The following CD8B2 variants were observed in gnomAD, a reference collection of about 807,000 sequenced individuals.
The protein encoded by CD8B2 is T-cell surface glycoprotein CD8 beta-2 chain.
A neutral mutation model predicts 23.7 loss-of-function variants in CD8B2; 11 were observed. The ratio of observed to expected loss-of-function variants is 0.46; its 90% CI spans 0.29 to 0.77. The LOEUF is 0.77. Among genes scored for constraint, CD8B2 ranks in the 30% least tolerant of loss-of-function variants. The pLI, the probability that CD8B2 is intolerant of heterozygous loss-of-function variation, is 0.09. For synonymous variants in CD8B2, 90 were observed against 109.3 expected, an observed-to-expected ratio of 0.82 and a Z score of 1.10; for missense variants, 197 against 270.5, an observed-to-expected ratio of 0.73 and a Z score of 1.91.
chr2:106,518,968 CATCT>C (rs1394858801), intron 5 of CD8B2, among the ~76,000 whole-genome samples: 2 of 151,894 alleles, frequency 1.3e-5, no homozygotes, highest in Admixed American at 6.6e-5. Context: ...TTCCTCCATC[CATCT>C]ATCCCTCCAT....
chr2:106,518,740 A>G (rs146282984), intron 5 of CD8B2, among the ~76,000 whole-genome samples: 21 of 150,104 alleles, frequency 1.4e-4, no homozygotes, highest in African/African-American at 4.2e-4. Flanking sequence ...TTTTCTCTCT[A>G]CTTATCCCTC....
intron 5 of CD8B2, among the ~76,000 whole-genome samples, chr2:106,526,425 C>T (rs1047327398): frequency 6.6e-6 from 1 of 152,194 alleles, no homozygotes; most frequent in Non-Finnish European, 1.5e-5. Flanking sequence ...TTACCCCTGA[C>T]ATGCCTGCCA....
Position 106,502,434 on chromosome 2 carries a change from A to C in CD8B2, c.494-40A>C, listed in dbSNP as rs1040490707. ...TTTTCTGCGTGTCTCACGCAGAAAA[A>C]TGTTCTGTGTTGAACACATGTCACA... On this transcript the variant is annotated intron_variant, in intron 3 of 5. Transcript: ENST00000643224. 32 of 1,245,958 alleles carry C rather than the reference A, an allele frequency of 2.6e-5. No homozygotes were observed. The Admixed American group carries it at 5.8e-4, about 22-fold the overall frequency. The allele number at this position is 1,245,958 out of a possible 1,614,324, so 77.2% of individuals were successfully genotyped here. A position where few individuals can be genotyped will look rare whatever the true frequency, so the allele number is the denominator to read the frequency against.
chr2:106,534,975 C>T (rs1246786028), intron 5 of CD8B2, among the ~76,000 whole-genome samples: 2 of 152,074 alleles, frequency 1.3e-5, no homozygotes, highest in African/African-American at 4.8e-5. Flanking sequence ...GCATGTGCCA[C>T]CTTGCCCGGC....
chr2:106,493,820 T>C (rs567482590), intron 2 of CD8B2, among the ~76,000 whole-genome samples: 3 of 152,268 alleles, frequency 2.0e-5, no homozygotes, highest in Admixed American at 6.5e-5. Context: ...CTGTCTAACT[T>C]TGGGCACATT....
At chr2:106,522,449 A>G (rs1241920269) in intron 5 of CD8B2, among the ~76,000 whole-genome samples, 1 of 152,236 alleles carries the variant, frequency 6.6e-6, no homozygotes, top group East Asian at 1.9e-4. Flanking sequence ...AATTAAACTC[A>G]GTCCAAAATC....
chr2:106,524,240 G>C (rs1350058988), intron 5 of CD8B2, among the ~76,000 whole-genome samples: 5 of 152,174 alleles, frequency 3.3e-5, no homozygotes, highest in Non-Finnish European at 2.9e-5. Flanking sequence ...CAGGTTGTGG[G>C]TCAGAGTTCT....
At chr2:106,519,594 A>G (rs1335040119) in intron 5 of CD8B2, among the ~76,000 whole-genome samples, 1 of 152,150 alleles carries the variant, frequency 6.6e-6, no homozygotes, top group Non-Finnish European at 1.5e-5. Context: ...GACGAAGACC[A>G]TGCTCTGAAC....
chr2:106,520,418 G>A (rs1197410733), intron 5 of CD8B2, among the ~76,000 whole-genome samples: 3 of 152,108 alleles, frequency 2.0e-5, no homozygotes, highest in Admixed American at 6.6e-5. Flanking sequence ...ATTGAGGCTC[G>A]GGGACCAGAG....
At chr2:106,490,834 T>G in intron 1 of CD8B2, 40 bp from the exon 2 acceptor site, 1 of 1,549,246 alleles carries the variant, frequency 6.5e-7, no homozygotes, top group Non-Finnish European at 8.7e-7. Context: ...CAGCTGTGGC[T>G]AGGAAAATGT....
chr2:106,502,699 G>T lies in CD8B2; in HGVS notation c.583+136G>T, dbSNP rs536229028. 3,408 of 561,408 alleles carry T rather than the reference G, an allele frequency of 6.1e-3. 23 individuals are homozygous for T. Among genetic ancestry groups the T allele is most frequent in the Non-Finnish European group, 9.1e-3 (2,862 of 313,664 alleles). 34.8% of individuals were successfully genotyped at this position (561,408 alleles called of 1,614,324 possible). A position where few individuals can be genotyped will look rare whatever the true frequency, so the allele number is the denominator to read the frequency against. On this transcript the variant is annotated intron_variant, in intron 4 of 5. Transcript: ENST00000643224. ...GCCTCAGAGAACCTGCGGTATTTCC[G>T]GAGGTAGTTCTTGGCCTGGGGCTAC...
intron 2 of CD8B2, among the ~76,000 whole-genome samples, chr2:106,494,109 G>C (rs1679249733): frequency 1.3e-5 from 2 of 151,828 alleles, no homozygotes. Context: ...AAAAATGACT[G>C]ATCTGTGGGC....
At chr2:106,531,084 T>G (rs900160358) in intron 5 of CD8B2, among the ~76,000 whole-genome samples, 13 of 152,240 alleles carry the variant, frequency 8.5e-5, no homozygotes, top group Non-Finnish European at 1.3e-4. Flanking sequence ...TTTACCCTAC[T>G]GACTCACCCT....
intron 5 of CD8B2, among the ~76,000 whole-genome samples, chr2:106,518,080 A>C (rs1248142027): frequency 6.6e-6 from 1 of 152,296 alleles, no homozygotes; most frequent in South Asian, 2.1e-4. Context: ...TTCCTGGGCC[A>C]TAGGGATGAG....
chr2:106,488,978 GTTTTTATTTTTA>G (rs925790016), intron 1 of CD8B2, among the ~76,000 whole-genome samples: 4 of 151,768 alleles, frequency 2.6e-5, no homozygotes, highest in Admixed American at 2.0e-4. Flanking sequence ...TTTCCTTCTT[GTTTTTATTTTTA>G]TTTTTATTTT....
In CD8B2 at chr2:106,510,809, G is replaced by A. The variant is rs543353464; in HGVS notation, c.*3869G>A. 3.8e-4 allele frequency: 58 copies of A among 151,620 alleles called. No homozygotes were observed. The highest frequency in any genetic ancestry group is 1.2e-3 in the African/African-American group (50 of 41,318). The allele number at this position is 151,620 out of a possible 1,614,324, so 9.4% of individuals were successfully genotyped here. On this transcript the variant is annotated 3_prime_UTR_variant, in exon 6 of 6. Transcript: ENST00000643224. Reference sequence around the variant, plus strand: ...TTTTAAAACATAAAATTGAAATCTCGAGAATATAATACATAAAATAGAGAA... The same window carrying A: ...TTTTAAAACATAAAATTGAAATCTCAAGAATATAATACATAAAATAGAGAA...
intron 5 of CD8B2, among the ~76,000 whole-genome samples, chr2:106,542,329 A>C (rs1432671468): frequency 6.6e-6 from 1 of 152,224 alleles, no homozygotes; most frequent in Non-Finnish European, 1.5e-5. Flanking sequence ...TGGAAACTAA[A>C]AGAGTGACTT....
Position 106,509,946 on chromosome 2 carries a change from T to C in CD8B2, c.*3006T>C, listed in dbSNP as rs1291682889. On this transcript the variant is annotated 3_prime_UTR_variant, in exon 6 of 6. Coordinates refer to ENST00000643224, the MANE Select transcript of CD8B2 (RefSeq NM_001349727.2). ...AAATGGGAAATAATCCAAATGTCCA[T>C]CAAAAGGGACTGGTCAGATAAATTC... The C allele has an allele frequency of 6.6e-6, 1 of 152,146 alleles. No homozygotes were observed. The highest frequency in any genetic ancestry group is 1.5e-5 in the Non-Finnish European group (1 of 68,022). 9.4% of individuals were successfully genotyped at this position (152,146 alleles called of 1,614,324 possible).
rs569521124 is a variant in CD8B2, at chr2:106,508,752, C to A, written c.*1812C>A. 6.6e-6 allele frequency: 1 copy of A among 152,256 alleles called. No homozygotes were observed. The highest frequency in any genetic ancestry group is 1.9e-4 in the East Asian group (1 of 5,158). 9.4% of individuals were successfully genotyped at this position (152,256 alleles called of 1,614,324 possible). A position where few individuals can be genotyped will look rare whatever the true frequency, so the allele number is the denominator to read the frequency against. On this transcript the variant is annotated 3_prime_UTR_variant, in exon 6 of 6. Coordinates refer to ENST00000643224, the MANE Select transcript of CD8B2 (RefSeq NM_001349727.2). ...AATGAAAGGCTGAGGTGAATTGACG[C>A]CCTATGCGGATGAAGGGATGGCCCG...
Sources: allele counts gnomAD v4.1 joint callset (sites outside exome capture counted in the v4.1 genomes callset), GRCh38; gene constraint gnomAD v4.1.1; transcripts MANE v1.5; gene names NCBI Gene and HGNC (gene_info 2026-07-23, HGNC 2026-07-21).